The following GRAMD1B variants were observed in gnomAD, a reference collection of about 807,000 sequenced individuals.
GRAMD1B encodes the protein GRAM domain containing 1B.
GRAMD1B carries 37 observed loss-of-function variants against 99.7 expected under a neutral mutation model. That is an observed-to-expected ratio of 0.37 (90% CI 0.29 to 0.49). The LOEUF (loss-of-function observed/expected upper bound fraction) is 0.49. Ranked by LOEUF, GRAMD1B falls within the 20% of genes least tolerant of loss-of-function variation. The pLI, the probability that GRAMD1B is intolerant of heterozygous loss-of-function variation, is 0.98. For missense variants in GRAMD1B, 888 were observed against 1,009.2 expected (o/e 0.88, Z 1.63); for synonymous variants, 427 against 387.6 (o/e 1.10, Z -1.19).
At chr11:123,558,577 G>A (rs1246863951) in intron 2 of GRAMD1B, among the ~76,000 whole-genome samples, 2 of 152,196 alleles carry the variant, frequency 1.3e-5, no homozygotes, top group African/African-American at 4.8e-5. Flanking sequence ...GAGTACGTGG[G>A]TGACCAACAA....
intron 1 of GRAMD1B, among the ~76,000 whole-genome samples, chr11:123,412,400 A>T (rs1041204606): frequency 6.6e-6 from 1 of 152,244 alleles, no homozygotes; most frequent in African/African-American, 2.4e-5. Context: ...TAATGTTCAC[A>T]ATGCATGATG....
intron 1 of GRAMD1B, among the ~76,000 whole-genome samples, chr11:123,441,823 A>G (rs1243963240): frequency 1.3e-5 from 2 of 151,914 alleles, no homozygotes; most frequent in African/African-American, 2.4e-5. Context: ...AAAAGTCAAC[A>G]TGCTATTTGG....
intron 2 of GRAMD1B, among the ~76,000 whole-genome samples, chr11:123,538,572 C>T (rs1944193294): frequency 6.6e-6 from 1 of 152,088 alleles, no homozygotes; most frequent in South Asian, 2.1e-4. Context: ...CAGCTCTAGG[C>T]AACCACTTTC....
At chr11:123,524,343 A>G (rs1233479725) in intron 2 of GRAMD1B, among the ~76,000 whole-genome samples, 1 of 149,550 alleles carries the variant, frequency 6.7e-6, no homozygotes, top group African/African-American at 2.5e-5. Context: ...ATTTTATTTT[A>G]TTTTATTTTT....
rs527337077 is a variant in GRAMD1B, at chr11:123,622,789, G to A, written c.*194G>A. 5.0e-5 allele frequency: 9 copies of A among 179,068 alleles called. No individual in the cohort carries two copies. The East Asian group carries it at 8.7e-4, about 17-fold the overall frequency. 11.1% of individuals were successfully genotyped at this position (179,068 alleles called of 1,614,324 possible). A position where few individuals can be genotyped will look rare whatever the true frequency, so the allele number is the denominator to read the frequency against. The stretch of plus-strand genomic sequence containing the variant: ...CGCGCCCTGTGCTGGCCGGAGCAGC[G>A]TTTTCTTATGGTGGAGCAGCTGAGG... On this transcript the variant is annotated 3_prime_UTR_variant, in exon 20 of 20. Coordinates refer to ENST00000635736, the MANE Select transcript of GRAMD1B (RefSeq NM_001387025.1).
intron 11 of GRAMD1B, chr11:123,608,327 A>T: frequency 1.6e-6 from 1 of 631,800 alleles, no homozygotes. Flanking sequence ...CAACTTCCAG[A>T]AGTAGTCATT....
intron 1 of GRAMD1B, among the ~76,000 whole-genome samples, chr11:123,389,943 G>C (rs1200032950): frequency 2.0e-5 from 3 of 152,008 alleles, no homozygotes; most frequent in Non-Finnish European, 4.4e-5. Context: ...TTTTAGTAGA[G>C]ACAGGGTTTC....
intron 4 of GRAMD1B, among the ~76,000 whole-genome samples, chr11:123,588,706 C>T (rs1399345571): frequency 6.6e-6 from 1 of 152,174 alleles, no homozygotes; most frequent in African/African-American, 2.4e-5. Context: ...CAACCAGGTA[C>T]TGACACGCCA....
chr11:123,605,263 A>C, intron 9 of GRAMD1B, 59 bp from the exon 10 acceptor site: 3 of 1,239,086 alleles, frequency 2.4e-6, no homozygotes, highest in Non-Finnish European at 3.4e-6. Flanking sequence ...AGATTCTTAG[A>C]ATAGTTGGCC....
chr11:123,470,529 T>G (rs1239337040), intron 1 of GRAMD1B, among the ~76,000 whole-genome samples: 3 of 129,604 alleles, frequency 2.3e-5, no homozygotes, highest in African/African-American at 9.1e-5. Flanking sequence ...TTTTTTTTTT[T>G]TTGAGGCGGG....
rs551689219 is a variant in GRAMD1B at position 123,546,964 on chromosome 11, G to A, written c.453-30403G>A. Among the ~76,000 whole-genome samples, 7 of 152,224 alleles carry A rather than the reference G, an allele frequency of 4.6e-5. No homozygotes were observed. In the South Asian group the frequency reaches 1.5e-3, roughly 32 times the overall value. ...TGACCAGTAGGAGCAGGGCCTCAGTGGATTGAGAGACACAACCTGTCAACC... is the reference window on the plus strand; with the variant it reads ...TGACCAGTAGGAGCAGGGCCTCAGTAGATTGAGAGACACAACCTGTCAACC... On this transcript the variant is annotated intron_variant, in intron 2 of 19. Transcript: ENST00000635736.
chr11:123,488,851 C>T (rs1416692649), intron 2 of GRAMD1B, among the ~76,000 whole-genome samples: 3 of 152,184 alleles, frequency 2.0e-5, no homozygotes, highest in Non-Finnish European at 2.9e-5. Flanking sequence ...AGATGTGGCT[C>T]CATGTCCATG....
At position 123,608,707 on chromosome 11, in the gene GRAMD1B, A is replaced by G; in HGVS notation, c.1562A>G (p.Asn521Ser). The G allele has an allele frequency of 1.3e-6, 2 of 1,563,034 alleles. No homozygotes were observed. Among genetic ancestry groups the G allele is most frequent in the Non-Finnish European group, 1.7e-6 (2 of 1,152,504 alleles). ...GACCTGAGTGGCCGGCAGTACGTGAATGAAGTCTTCAACTTCAGCGTGGAC... is the reference window on the plus strand; with the variant it reads ...GACCTGAGTGGCCGGCAGTACGTGAGTGAAGTCTTCAACTTCAGCGTGGAC... ...YEDLSGRQYV[N>S]EVFNFSVDKL... The change falls in exon 12 of 20, where the codon AAT becomes AGT. Residue 521 changes from asparagine to serine, a missense_variant. By Grantham distance (46) the Asn-to-Ser change is conservative. Around this residue, in one of 5 missense-constraint regions of GRAMD1B, gnomAD observed 269 missense variants for 296.6 expected, o/e 0.91. Coordinates refer to ENST00000635736, the MANE Select transcript of GRAMD1B (RefSeq NM_001387025.1).
intron 1 of GRAMD1B, among the ~76,000 whole-genome samples, chr11:123,409,983 T>C (rs1006056618): frequency 1.3e-5 from 2 of 152,182 alleles, no homozygotes; most frequent in African/African-American, 2.4e-5. Context: ...GTTGGACTTA[T>C]GGAGTCACAA....
rs1016899056 is a variant in GRAMD1B at position 123,591,232 on chromosome 11, G to A, written c.685-2850G>A. 4 of 393,726 alleles carry A rather than the reference G, an allele frequency of 1.0e-5. No individual in the cohort carries two copies. Among genetic ancestry groups the A allele is most frequent in the Admixed American group, 4.4e-5 (1 of 22,572 alleles). 24.4% of individuals were successfully genotyped at this position (393,726 alleles called of 1,614,324 possible). The stretch of plus-strand genomic sequence containing the variant: ...TGCTGGGCATGCAGCTCTAGGAGCA[G>A]AAAGGACACCTGTCAGAGTCACACA... On this transcript the variant is annotated intron_variant, in intron 4 of 19. Transcript: ENST00000635736. The surrounding 1 kb of genome is among the most constrained non-coding windows in gnomAD (Gnocchi z 4.7).
chr11:123,488,921 A>T (rs1440254322), intron 2 of GRAMD1B, among the ~76,000 whole-genome samples: 1 of 151,666 alleles, frequency 6.6e-6, no homozygotes, highest in Non-Finnish European at 1.5e-5. Context: ...GAGCTCAGGG[A>T]AAATAGTTAG....
At position 123,487,831 on chromosome 11, in the gene GRAMD1B, T is replaced by C. The variant is rs193251323; in HGVS notation, c.452+6938T>C. Among the ~76,000 whole-genome samples the C allele has an allele frequency of 4.4e-4, 67 of 152,284 alleles. No homozygotes were observed. In the Middle Eastern group the frequency reaches 0.01, roughly 23 times the overall value. On this transcript the variant is annotated intron_variant, in intron 2 of 19. Transcript: ENST00000635736. ...CATGTTGGCCAGGCTGGTCTCAACC[T>C]CCTGATTTCAGGGGATCTGCCTGCT...
In GRAMD1B at chr11:123,609,821, GA is replaced by G; in HGVS notation, c.1685del (p.Glu562GlyfsTer9). 1 of 1,599,508 alleles carries G rather than the reference GA, an allele frequency of 6.3e-7. No homozygotes were observed. The highest frequency in any genetic ancestry group is 1.7e-5 in the Admixed American group (1 of 58,648). ...TATCATCTTCCATCCATGGAAAAAG[GA>G]GGAGAATGGAAACCAGAGCCGAGTG... ...SDIIFHPWKK[E>X]ENGNQSRVIL... On this transcript the variant is annotated frameshift_variant, in exon 13 of 20. Coordinates refer to ENST00000635736, the MANE Select transcript of GRAMD1B (RefSeq NM_001387025.1). LOFTEE classifies it high-confidence loss of function.
At chr11:123,467,336 A>T (rs1409748657) in intron 1 of GRAMD1B, among the ~76,000 whole-genome samples, 1 of 151,088 alleles carries the variant, frequency 6.6e-6, no homozygotes, top group Admixed American at 6.6e-5. Flanking sequence ...AAAAATTAAT[A>T]CTCATAGATA....
Sources: allele counts gnomAD v4.1 joint callset (sites outside exome capture counted in the v4.1 genomes callset), GRCh38; gene constraint gnomAD v4.1.1; regional missense constraint gnomAD v4.1.1; non-coding constraint Gnocchi (gnomAD v3.1); transcripts MANE v1.5; gene names NCBI Gene and HGNC (gene_info 2026-07-23, HGNC 2026-07-21).